Variants in ABI3BP observed in about 807,000 individuals in gnomAD.
ABI3BP encodes the protein ABI family member 3 binding protein.
A neutral mutation model predicts 268.6 loss-of-function variants in ABI3BP; 216 were observed. The ratio of observed to expected loss-of-function variants is 0.80; its 90% CI spans 0.72 to 0.90. The LOEUF (loss-of-function observed/expected upper bound fraction) is 0.90. ABI3BP is among the 40% of genes least tolerant of loss of function. The probability of loss-of-function intolerance (pLI) is 0.00; values close to 1 mark genes in which losing one functional copy is unlikely to be tolerated. For synonymous variants in ABI3BP, 730 were observed against 730.0 expected, an observed-to-expected ratio of 1.00 and a Z score of 0.00; for missense variants, 2,090 against 2,182.4, an observed-to-expected ratio of 0.96 and a Z score of 0.84.
At chr3:100,947,031 G>A (rs1180710503) in intron 1 of ABI3BP, among the ~76,000 whole-genome samples, 1 of 152,070 alleles carries the variant, frequency 6.6e-6, no homozygotes, top group African/African-American at 2.4e-5. Flanking sequence ...GTTTTTCTAT[G>A]AAAATAAATA....
rs371405120 is a variant in ABI3BP, at chr3:100,780,983, G to A, written c.4163-774C>T. ...TAAAATAATCTTCCTTGGTTTGGGT[G>A]ACAGTCTTCATTATAAAAGAATAGA... On this transcript the variant is annotated intron_variant, in intron 57 of 67. Transcript: ENST00000471714. Among the ~76,000 whole-genome samples, 4 of 152,188 alleles carry A rather than the reference G, an allele frequency of 2.6e-5. No individual in the cohort carries two copies. The East Asian group carries it at 5.8e-4, about 22-fold the overall frequency.
chr3:100,912,058 T>A (rs2056731202), intron 2 of ABI3BP: 1 of 730,720 alleles, frequency 1.4e-6, no homozygotes, highest in Non-Finnish European at 2.5e-6. Context: ...AGTAATGCTA[T>A]TCTTGCCTTC....
chr3:100,847,478 CATGCTGTTCAA>C lies in ABI3BP; in HGVS notation c.1648+113_1648+123del. The stretch of plus-strand genomic sequence containing the variant: ...AGCTGGTGCACTCTCTGAGATGGGC[CATGCTGTTCAA>C]ATGAACCGTTTTGAGTATCTTAACA... On this transcript the variant is annotated intron_variant, in intron 19 of 67. Transcript: ENST00000471714. 4 of 829,588 alleles carry C rather than the reference CATGCTGTTCAA, an allele frequency of 4.8e-6. No homozygotes were observed. The South Asian group carries it at 6.2e-5, about 13-fold the overall frequency. 51.4% of individuals were successfully genotyped at this position (829,588 alleles called of 1,614,324 possible).
intron 5 of ABI3BP, 136 bp downstream of exon 5, chr3:100,886,006 C>T (rs1222852955): frequency 1.7e-6 from 1 of 604,762 alleles, no homozygotes; most frequent in Non-Finnish European, 2.6e-6. Context: ...ATCTTCTTTG[C>T]TTCTATATTT....
intron 2 of ABI3BP, among the ~76,000 whole-genome samples, chr3:100,925,290 T>C (rs1561717002): frequency 2.6e-5 from 4 of 152,208 alleles, no homozygotes; most frequent in African/African-American, 4.8e-5. Flanking sequence ...ATAACACCTC[T>C]GAAACTTATA....
intron 1 of ABI3BP, among the ~76,000 whole-genome samples, chr3:100,949,149 A>G (rs573817310): frequency 6.6e-5 from 10 of 152,298 alleles, no homozygotes; most frequent in Admixed American, 4.6e-4. Flanking sequence ...CTGTCTTTCA[A>G]TTAATTCATT....
intron 2 of ABI3BP, among the ~76,000 whole-genome samples, chr3:100,905,665 G>A (rs2053065209): frequency 6.6e-6 from 1 of 151,764 alleles, no homozygotes; most frequent in Non-Finnish European, 1.5e-5. Flanking sequence ...TATTCTGGTA[G>A]GAACAAAATG....
chr3:100,874,635 T>C (rs950951484), intron 9 of ABI3BP, among the ~76,000 whole-genome samples: 1 of 152,176 alleles, frequency 6.6e-6, no homozygotes, highest in African/African-American at 2.4e-5. Flanking sequence ...TAAATATACC[T>C]TATATAAATA....
chr3:100,830,106 C>CATAT (rs1472426726), intron 32 of ABI3BP, among the ~76,000 whole-genome samples: 14 of 77,018 alleles, frequency 1.8e-4, no homozygotes, highest in South Asian at 3.4e-4. Flanking sequence ...TACATACATA[C>CATAT]ATACATATAT....
At chr3:100,779,780 A>G (rs2096814736) in intron 58 of ABI3BP, among the ~76,000 whole-genome samples, 1 of 152,188 alleles carries the variant, frequency 6.6e-6, no homozygotes, top group Non-Finnish European at 1.5e-5. Flanking sequence ...GCAAAAAAAA[A>G]TTGTAATAAA....
At chr3:100,873,464 C>T (rs1008162935) in intron 9 of ABI3BP, among the ~76,000 whole-genome samples, 39 of 152,068 alleles carry the variant, frequency 2.6e-4, no homozygotes, top group Admixed American at 2.5e-3. Flanking sequence ...GAGTTATTGG[C>T]TTGTGGGATC....
rs368884405 is a variant in ABI3BP, at chr3:100,851,890, A to G, written c.1336T>C (p.Ser446Pro). 4 of 1,593,528 alleles carry G rather than the reference A, an allele frequency of 2.5e-6. No homozygotes were observed. The highest frequency in any genetic ancestry group is 3.4e-6 in the Non-Finnish European group (4 of 1,170,056). The change falls in exon 15 of 68, where the codon TCA (serine) becomes CCA (proline). Residue 446 changes from serine to proline, a missense_variant. Coordinates refer to ENST00000471714, the MANE Select transcript of ABI3BP (RefSeq NM_001375547.2). ...SPTTSDEPEI[S>P]DSYTATSDRI... ...CCAGATATACCTGTGTAGGAATCTG[A>G]TATCTCAGGCTCATCTGATGTTGTA... is the stretch of plus-strand genomic sequence containing the variant.
At chr3:100,845,616 T>C (rs1009656558) in intron 20 of ABI3BP, among the ~76,000 whole-genome samples, 1 of 147,492 alleles carries the variant, frequency 6.8e-6, no homozygotes, top group East Asian at 1.9e-4. Flanking sequence ...TTGTGAGAAA[T>C]AATTTCTTCC....
intron 1 of ABI3BP, among the ~76,000 whole-genome samples, chr3:100,972,121 C>G (rs2083896629): frequency 6.6e-6 from 1 of 152,156 alleles, no homozygotes; most frequent in African/African-American, 2.4e-5. Context: ...TATTTAGAAT[C>G]TCTTTTTTAT....
chr3:100,902,386 C>G (rs1029999404), intron 3 of ABI3BP, among the ~76,000 whole-genome samples: 2 of 152,162 alleles, frequency 1.3e-5, no homozygotes, highest in African/African-American at 4.8e-5. Flanking sequence ...GGTTCAATAA[C>G]TTATGTAATT....
intron 35 of ABI3BP, among the ~76,000 whole-genome samples, chr3:100,825,446 G>A (rs1373169081): frequency 6.6e-6 from 1 of 151,928 alleles, no homozygotes; most frequent in Non-Finnish European, 1.5e-5. Flanking sequence ...TTGCCAATCA[G>A]CTTAGATAAG....
At chr3:100,771,707 T>C (rs1023460981) in intron 61 of ABI3BP, among the ~76,000 whole-genome samples, 2 of 151,912 alleles carry the variant, frequency 1.3e-5, no homozygotes, top group Non-Finnish European at 2.9e-5. Context: ...AATAAAAACA[T>C]CCAAAAAGAG....
chr3:100,846,538 T>A, intron 19 of ABI3BP, 92 bp from the exon 20 acceptor site: 1 of 852,088 alleles, frequency 1.2e-6, no homozygotes, highest in Non-Finnish European at 1.8e-6. Context: ...AAATAAACTA[T>A]ACATTAAATG....
At chr3:100,776,559 G>C (rs1272231900) in intron 59 of ABI3BP, among the ~76,000 whole-genome samples, 1 of 152,176 alleles carries the variant, frequency 6.6e-6, no homozygotes, top group African/African-American at 2.4e-5. Flanking sequence ...ACACATGTGA[G>C]AGAGCCTCAG....
Sources: allele counts gnomAD v4.1 joint callset (sites outside exome capture counted in the v4.1 genomes callset), GRCh38; gene constraint gnomAD v4.1.1; transcripts MANE v1.5; gene names NCBI Gene and HGNC (gene_info 2026-07-23, HGNC 2026-07-21).